The following EDC3 variants were observed in gnomAD, a reference collection of about 807,000 sequenced individuals.
EDC3 encodes enhancer of mRNA decapping 3.
In EDC3, 20 loss-of-function variants were observed where a neutral mutation model predicts 41.8. The ratio of observed to expected loss-of-function variants is 0.48; its 90% confidence interval spans 0.34 to 0.70. The LOEUF (loss-of-function observed/expected upper bound fraction) is 0.70. Ranked by LOEUF, EDC3 falls within the 30% of genes least tolerant of loss-of-function variation. EDC3 has a pLI of 0.01. For missense variants in EDC3, 444 were observed against 636.8 expected (o/e 0.70, Z 3.26); for synonymous variants, 206 against 243.2 (o/e 0.85, Z 1.42).
chr15:74,649,602 A>C (rs561032479), intron 4 of EDC3, among the ~76,000 whole-genome samples: 1 of 152,330 alleles, frequency 6.6e-6, no homozygotes, highest in East Asian at 1.9e-4. Context: ...ATTTGAAGTC[A>C]AATATTTACT....
At chr15:74,666,541 G>A (rs756624427) in intron 3 of EDC3, among the ~76,000 whole-genome samples, 9 of 152,100 alleles carry the variant, frequency 5.9e-5, no homozygotes, top group African/African-American at 1.9e-4. Flanking sequence ...GTCACAAAAC[G>A]ACATGAATGA....
At chr15:74,640,391 G>A (rs1315381986) in intron 5 of EDC3, 75 bp downstream of exon 5, 8 of 1,517,474 alleles carry the variant, frequency 5.3e-6, no homozygotes, top group Middle Eastern at 2.3e-4. Context: ...ATGTGTGTAT[G>A]GGAGGCACTG....
At position 74,655,966 on chromosome 15, in the gene EDC3, A is replaced by G. The variant is rs775641228; in HGVS notation, c.587T>C (p.Ile196Thr). 2 of 1,614,006 alleles carry G rather than the reference A, an allele frequency of 1.2e-6. No homozygotes were observed. Among genetic ancestry groups the G allele is most frequent in the Non-Finnish European group, 1.7e-6 (2 of 1,180,008 alleles). The change falls in exon 4 of 7, where the codon ATT (isoleucine) becomes ACT (threonine). Residue 196 changes from isoleucine (I) to threonine (T), a missense_variant. Around this residue, in one of 3 missense-constraint regions of EDC3, gnomAD observed 200 missense variants for 244.0 expected, o/e 0.82. Coordinates refer to ENST00000315127, the MANE Select transcript of EDC3 (RefSeq NM_025083.5). ...AAAATCTGTGTCTGGGATCTCCTCA[A>G]TATCATCCCCGAAGCACTCGTCATC... ...NKDDECFGDD[I>T]EEIPDTDFDF...
At chr15:74,690,520 C>A (rs1749337787) in intron 1 of EDC3, among the ~76,000 whole-genome samples, 1 of 152,216 alleles carries the variant, frequency 6.6e-6, no homozygotes, top group Non-Finnish European at 1.5e-5. Flanking sequence ...CAACCCTTGG[C>A]CTGCTAAAAA....
intron 4 of EDC3, chr15:74,644,569 G>GT (rs1278763957): frequency 6.6e-6 from 1 of 151,990 alleles, no homozygotes; most frequent in Non-Finnish European, 1.5e-5. Context: ...GGGTTGTTGG[G>GT]TGCAGCAAAC....
intron 1 of EDC3, among the ~76,000 whole-genome samples, chr15:74,680,682 G>T (rs981878412): frequency 1.3e-5 from 2 of 152,016 alleles, no homozygotes; most frequent in African/African-American, 4.8e-5. Context: ...GTTTGTAAAG[G>T]AAAAAACAAA....
Position 74,671,785 on chromosome 15 carries a change from C to A in EDC3, c.165-11G>T. The A allele has an allele frequency of 1.2e-6, 2 of 1,606,690 alleles. No homozygotes were observed. The highest frequency in any genetic ancestry group is 1.7e-6 in the Non-Finnish European group (2 of 1,176,076). ...GTAATGTCACCTGCCCTGAAATACACAAAAAAGCCAAGTCTCAAAATTATA... is the reference window on the plus strand; with the variant it reads ...GTAATGTCACCTGCCCTGAAATACAAAAAAAAGCCAAGTCTCAAAATTATA... On this transcript the variant is annotated splice_polypyrimidine_tract_variant and intron_variant, in intron 2 of 6. Transcript: ENST00000315127. The surrounding 1 kb of genome is among the most constrained non-coding windows in gnomAD (Gnocchi z 4.6).
chr15:74,666,146 A>G (rs1479350654), intron 3 of EDC3, among the ~76,000 whole-genome samples: 1 of 152,160 alleles, frequency 6.6e-6, no homozygotes, highest in African/African-American at 2.4e-5. Flanking sequence ...CTCAATATCA[A>G]TGTACATAAA....
chr15:74,662,243 T>G (rs1596317497), intron 3 of EDC3, among the ~76,000 whole-genome samples: 1 of 152,224 alleles, frequency 6.6e-6, no homozygotes, highest in African/African-American at 2.4e-5. Flanking sequence ...GACCTAGCAC[T>G]TATGCTACAT....
intron 4 of EDC3, among the ~76,000 whole-genome samples, chr15:74,653,693 G>A (rs898575784): frequency 1.3e-5 from 2 of 152,112 alleles, no homozygotes; most frequent in African/African-American, 2.4e-5. Context: ...CAGCACATGT[G>A]GTTTGTGGTA....
intron 5 of EDC3, chr15:74,638,884 TAAAAACAACAAC>T (rs923044512): frequency 4.0e-5 from 6 of 150,238 alleles, no homozygotes; most frequent in Non-Finnish European, 8.9e-5. Flanking sequence ...GAATTTACCT[TAAAAACAACAAC>T]AACAACAACA....
At chr15:74,680,254 C>A in intron 1 of EDC3, among the ~76,000 whole-genome samples, 1 of 100,962 alleles carries the variant, frequency 9.9e-6, no homozygotes, top group Non-Finnish European at 2.0e-5. Context: ...GAGCGAGACT[C>A]CATCTCAAAA....
At chr15:74,649,228 C>T (rs1182575358) in intron 4 of EDC3, among the ~76,000 whole-genome samples, 1 of 152,028 alleles carries the variant, frequency 6.6e-6, no homozygotes. Context: ...CCACGCCCGG[C>T]TAATTTTTTT....
chr15:74,669,168 GC>G (rs1368056028), intron 3 of EDC3, among the ~76,000 whole-genome samples: 1 of 151,830 alleles, frequency 6.6e-6, no homozygotes, highest in Non-Finnish European at 1.5e-5. Context: ...CCAACATGGA[GC>G]CCCGTTTCTA....
chr15:74,694,936 AGTACAC>A (rs2063048502), intron 1 of EDC3, among the ~76,000 whole-genome samples: 1 of 151,928 alleles, frequency 6.6e-6, no homozygotes, highest in African/African-American at 2.4e-5. Flanking sequence ...TTTTGTGCTC[AGTACAC>A]GTAATCTGCC....
At chr15:74,633,202 T>C (rs575664411) in intron 6 of EDC3, among the ~76,000 whole-genome samples, 105 of 152,318 alleles carry the variant, frequency 6.9e-4, no homozygotes, top group Non-Finnish European at 1.2e-3. Context: ...GGATGAACCA[T>C]TGTCGTCCTG....
intron 3 of EDC3, among the ~76,000 whole-genome samples, chr15:74,663,911 T>G (rs1247043133): frequency 2.0e-5 from 3 of 152,190 alleles, no homozygotes; most frequent in Non-Finnish European, 4.4e-5. Context: ...TGCTGGGCAC[T>G]GGTCATCATT....
At position 74,655,763 on chromosome 15, in the gene EDC3, G is replaced by A; in HGVS notation, c.790C>T (p.Pro264Ser). Residue 264 changes from proline (P) to serine (S), a missense_variant, in exon 4 of 7, where the codon CCC becomes TCC. By Grantham distance (74) the Pro-to-Ser change is moderately conservative. Coordinates refer to ENST00000315127, the MANE Select transcript of EDC3 (RefSeq NM_025083.5). ...CAGAACTCCTTGCTCACGTTGTGGG[G>A]CACTATGATCCGTCGATAGACAATG... ...EPIVYRRIIV[P>S]HNVSKEFCTD... 10 of 1,613,090 alleles carry A rather than the reference G, an allele frequency of 6.2e-6. No homozygotes were observed. Among genetic ancestry groups the A allele is most frequent in the South Asian group, 1.1e-5 (1 of 91,050 alleles).
intron 1 of EDC3, among the ~76,000 whole-genome samples, chr15:74,677,358 C>T (rs192141224): frequency 7.3e-6 from 1 of 137,594 alleles, no homozygotes; most frequent in Admixed American, 7.1e-5. Flanking sequence ...CCATGCCCAG[C>T]CTTTTTTTTT....
Sources: allele counts gnomAD v4.1 joint callset (sites outside exome capture counted in the v4.1 genomes callset), GRCh38; gene constraint gnomAD v4.1.1; regional missense constraint gnomAD v4.1.1; non-coding constraint Gnocchi (gnomAD v3.1); transcripts MANE v1.5; gene names NCBI Gene and HGNC (gene_info 2026-07-23, HGNC 2026-07-21).